CIB2: variants seen among roughly 807,000 people sequenced by gnomAD.
The protein encoded by CIB2 is calcium and integrin binding family member 2.
CIB2 carries 19 observed loss-of-function variants against 23.1 expected under a neutral mutation model. The ratio of observed to expected loss-of-function variants is 0.82; its 90% CI spans 0.57 to 1.21. The LOEUF is 1.21. Among genes scored for constraint, CIB2 ranks in the 50% most tolerant of loss-of-function variants. The probability of loss-of-function intolerance (pLI) is 0.00; values close to 1 mark genes in which losing one functional copy is unlikely to be tolerated. For synonymous variants in CIB2, 94 were observed against 91.7 expected (o/e 1.03, Z -0.14); for missense variants, 220 against 241.5 (o/e 0.91, Z 0.59).
At chr15:78,118,637 C>T (rs1459503692) in intron 2 of CIB2, among the ~76,000 whole-genome samples, 1 of 151,280 alleles carries the variant, frequency 6.6e-6, no homozygotes, top group Non-Finnish European at 1.5e-5. Flanking sequence ...AATTTACCAT[C>T]TTAATTATTA....
Position 78,105,281 on chromosome 15 carries a change from T to C in CIB2, c.*30A>G, listed in dbSNP as rs746902499. On this transcript the variant is annotated 3_prime_UTR_variant, in exon 6 of 6. Coordinates refer to ENST00000258930, the MANE Select transcript of CIB2 (RefSeq NM_006383.4). ...GTGACTGCAGGGCAGGATGGTGGAC[T>C]TCTAGGCCCCTACAGCCTCGGCAGT... 4 of 1,613,776 alleles carry C rather than the reference T, an allele frequency of 2.5e-6. No homozygotes were observed. Among genetic ancestry groups the C allele is most frequent in the Admixed American group, 1.7e-5 (1 of 59,998 alleles).
chr15:78,119,572 C>T (rs1446919407), intron 2 of CIB2, among the ~76,000 whole-genome samples: 5 of 147,098 alleles, frequency 3.4e-5, no homozygotes, highest in Non-Finnish European at 6.0e-5. Flanking sequence ...CATATATATA[C>T]TTTTTTTTTT....
At chr15:78,121,448 C>A (rs1181487050) in intron 2 of CIB2, among the ~76,000 whole-genome samples, 2 of 152,156 alleles carry the variant, frequency 1.3e-5, no homozygotes, top group Non-Finnish European at 2.9e-5. Flanking sequence ...GCCAGGGATA[C>A]CCCTGATATG....
chr15:78,110,224 C>T (rs939694865), intron 3 of CIB2, among the ~76,000 whole-genome samples: 30 of 152,264 alleles, frequency 2.0e-4, no homozygotes, highest in Admixed American at 1.6e-3. Flanking sequence ...TCCATCCCAA[C>T]TGAGCTAGCG....
chr15:78,120,700 C>T lies in CIB2; in HGVS notation c.86+3005G>A, dbSNP rs1157041466. ...GGGCAGAGGGAAGGAGAATTGGAGG[C>T]GGGCTATCTGTGACTCGGTATCACT... On this transcript the variant is annotated intron_variant, in intron 2 of 5. Coordinates refer to ENST00000258930, the MANE Select transcript of CIB2 (RefSeq NM_006383.4). 14 of 985,320 alleles carry T rather than the reference C, an allele frequency of 1.4e-5. No individual in the cohort carries two copies. In the Admixed American group the frequency reaches 2.5e-4, roughly 17 times the overall value. 61.0% of individuals were successfully genotyped at this position (985,320 alleles called of 1,614,324 possible).
chr15:78,121,059 G>A (rs1333656472), intron 2 of CIB2, among the ~76,000 whole-genome samples: 2 of 152,292 alleles, frequency 1.3e-5, no homozygotes, highest in East Asian at 1.9e-4. Flanking sequence ...GGAGAAAAGC[G>A]AAGGGGGGTG....
At chr15:78,105,546 C>G in intron 5 of CIB2, 193 bp downstream of exon 5, 1 of 1,479,190 alleles carries the variant, frequency 6.8e-7, no homozygotes, top group Non-Finnish European at 8.9e-7. Flanking sequence ...AAGGGGCCCC[C>G]AGGTCTTCAA....
intron 1 of CIB2, among the ~76,000 whole-genome samples, chr15:78,127,697 C>T (rs555399934): frequency 6.6e-6 from 1 of 152,262 alleles, no homozygotes; most frequent in South Asian, 2.1e-4. Context: ...TGTCAGGAGC[C>T]GAGCCATGGG....
At chr15:78,120,645 GGA>G (rs773348301) in intron 2 of CIB2, 25 of 985,272 alleles carry the variant, frequency 2.5e-5, no homozygotes, top group Non-Finnish European at 2.9e-5. Flanking sequence ...TGTGTCCTGG[GGA>G]GCAATCGGAT....
At chr15:78,115,827 G>A (rs1041814841) in intron 2 of CIB2, among the ~76,000 whole-genome samples, 3 of 151,476 alleles carry the variant, frequency 2.0e-5, no homozygotes, top group East Asian at 1.9e-4. Flanking sequence ...ACAGGCGCCC[G>A]CCACCACACC....
At chr15:78,111,069 A>G in intron 3 of CIB2, 96 bp downstream of exon 3, 2 of 1,015,154 alleles carry the variant, frequency 2.0e-6, no homozygotes, top group Non-Finnish European at 3.1e-6. Flanking sequence ...ACGCAGACAC[A>G]AAGGGTGGAG....
chr15:78,109,137 G>A (rs2074113977), intron 4 of CIB2, 98 bp downstream of exon 4: 3 of 1,359,402 alleles, frequency 2.2e-6, no homozygotes, highest in African/African-American at 1.5e-5. Flanking sequence ...CACTGTTCTT[G>A]GTGTCCCTAG....
intron 3 of CIB2, chr15:78,109,596 G>A: frequency 1.7e-6 from 1 of 596,832 alleles, no homozygotes; most frequent in Non-Finnish European, 3.0e-6. Context: ...TTGGTACCAG[G>A]CCCGGCACAT....
intron 1 of CIB2, among the ~76,000 whole-genome samples, chr15:78,128,944 CAG>C (rs1391999934): frequency 6.6e-6 from 1 of 152,044 alleles, no homozygotes; most frequent in Admixed American, 6.6e-5. Context: ...TGAGGGAGAG[CAG>C]AGAGTTGAAA....
At chr15:78,127,094 G>T (rs574788331) in intron 1 of CIB2, among the ~76,000 whole-genome samples, 4 of 152,186 alleles carry the variant, frequency 2.6e-5, no homozygotes, top group Non-Finnish European at 5.9e-5. Flanking sequence ...AATGAGATAA[G>T]GTACAGGAAG....
chr15:78,105,652 A>T, intron 5 of CIB2, 87 bp downstream of exon 5: 2 of 1,603,084 alleles, frequency 1.2e-6, no homozygotes, highest in Non-Finnish European at 1.7e-6. Context: ...CACTGCTCAC[A>T]AATAGCGAGT....
intron 2 of CIB2, among the ~76,000 whole-genome samples, chr15:78,118,577 A>G (rs2074273183): frequency 6.9e-6 from 1 of 145,798 alleles, no homozygotes; most frequent in African/African-American, 2.5e-5. Flanking sequence ...TGACAGAGCC[A>G]GACTCCGTCT....
At chr15:78,113,172 G>A (rs768347125) in intron 2 of CIB2, among the ~76,000 whole-genome samples, 40 of 145,360 alleles carry the variant, frequency 2.8e-4, no homozygotes, top group Admixed American at 7.7e-4. Flanking sequence ...TGCAAGTCAA[G>A]CCCTGGTAAG....
intron 1 of CIB2, among the ~76,000 whole-genome samples, chr15:78,128,884 C>T (rs2074416756): frequency 6.6e-6 from 1 of 152,024 alleles, no homozygotes; most frequent in Admixed American, 6.6e-5. Flanking sequence ...TCCAGGTGAC[C>T]CACAAAAGAG....
Sources: allele counts gnomAD v4.1 joint callset (sites outside exome capture counted in the v4.1 genomes callset), GRCh38; gene constraint gnomAD v4.1.1; transcripts MANE v1.5; gene names NCBI Gene and HGNC (gene_info 2026-07-23, HGNC 2026-07-21).